The following PCDHGA8 variants were observed in gnomAD, a reference collection of about 807,000 sequenced individuals.
PCDHGA8 encodes the protein protocadherin gamma subfamily A, 8.
PCDHGA8 carries 45 observed loss-of-function variants against 59.2 expected under a neutral mutation model. That is an observed-to-expected ratio of 0.76 (90% CI 0.60 to 0.98). The LOEUF (loss-of-function observed/expected upper bound fraction) is 0.98. Ranked by LOEUF, PCDHGA8 falls within the 50% of genes least tolerant of loss-of-function variation. The probability of loss-of-function intolerance (pLI) is 0.00; values close to 1 mark genes in which losing one functional copy is unlikely to be tolerated. For synonymous variants in PCDHGA8, 531 were observed against 519.0 expected, an observed-to-expected ratio of 1.02 and a Z score of -0.32; for missense variants, 1,257 against 1,196.2, an observed-to-expected ratio of 1.05 and a Z score of -0.75.
chr5:141,426,802 C>G (rs2096961440), intron 1 of PCDHGA8: 1 of 456,696 alleles, frequency 2.2e-6, no homozygotes, highest in South Asian at 1.5e-5. Flanking sequence ...CAGCTCAGTT[C>G]TAATGAACAT....
At position 141,431,031 on chromosome 5, in the gene PCDHGA8, A is replaced by C; in HGVS notation, c.2424+35794A>C. Reference sequence around the variant, plus strand: ...AGCTTGGTCACGGCGGGCAGGATAGACCGGGAGGAGCTCTGTATGGGGGCC... The same window carrying C: ...AGCTTGGTCACGGCGGGCAGGATAGCCCGGGAGGAGCTCTGTATGGGGGCC... On this transcript the variant is annotated intron_variant, in intron 1 of 3. Coordinates refer to ENST00000398604, the MANE Select transcript of PCDHGA8 (RefSeq NM_032088.2). This position sits in a 1 kb window ranked among gnomAD's most constrained non-coding sequence, Gnocchi z 4.8. 1 of 1,614,036 alleles carries C rather than the reference A, an allele frequency of 6.2e-7. No homozygotes were observed. The highest frequency in any genetic ancestry group is 8.5e-7 in the Non-Finnish European group (1 of 1,180,000).
chr5:141,396,902 A>C (rs2093450439), intron 1 of PCDHGA8, among the ~76,000 whole-genome samples: 1 of 152,234 alleles, frequency 6.6e-6, no homozygotes, highest in African/African-American at 2.4e-5. Context: ...TATTATTGGC[A>C]CTTTGCAATT....
intron 1 of PCDHGA8, chr5:141,423,496 G>A (rs1049120602): frequency 1.2e-6 from 2 of 1,613,804 alleles, no homozygotes; most frequent in African/African-American, 1.3e-5. Flanking sequence ...CTATTCCCAC[G>A]AGGTCTCTCT....
At chr5:141,395,889 G>A (rs1375818306) in intron 1 of PCDHGA8, 3 of 151,948 alleles carry the variant, frequency 2.0e-5, no homozygotes, top group African/African-American at 4.8e-5. Flanking sequence ...GTGGTCACCT[G>A]GGCTCCATGC....
chr5:141,424,616 T>C (rs1487572877), intron 1 of PCDHGA8: 1 of 152,152 alleles, frequency 6.6e-6, no homozygotes, highest in Non-Finnish European at 1.5e-5. Flanking sequence ...TCAAATAGAG[T>C]AGTTTGTGAA....
At position 141,477,262 on chromosome 5, in the gene PCDHGA8, C is replaced by G; in HGVS notation, c.2425-17545C>G. On this transcript the variant is annotated intron_variant, in intron 1 of 3. Coordinates refer to ENST00000398604, the MANE Select transcript of PCDHGA8 (RefSeq NM_032088.2). The surrounding 1 kb of genome is among the most constrained non-coding windows in gnomAD (Gnocchi z 4.9). ...TCAGTGTGACTGACCTGGATGCTGG[C>G]GAGAACGGGCTGGTGACCTGCGAAG... The G allele has an allele frequency of 6.2e-7, 1 of 1,614,138 alleles. No homozygotes were observed.
In PCDHGA8 at chr5:141,485,849, G is replaced by A. The variant is rs777288674; in HGVS notation, c.2425-8958G>A. ...AGGGAACCCGCCGAGATCTGGCACC[G>A]CAGAGCTCCGGGTATCCGTGCTGGA... On this transcript the variant is annotated intron_variant, in intron 1 of 3. Transcript: ENST00000398604. The surrounding 1 kb of genome is among the most constrained non-coding windows in gnomAD (Gnocchi z 5.7). 3 of 1,614,130 alleles carry A rather than the reference G, an allele frequency of 1.9e-6. No individual in the cohort carries two copies. In the South Asian group the frequency reaches 3.3e-5, roughly 18 times the overall value.
chr5:141,417,682 AAAAG>A (rs2096147308), intron 1 of PCDHGA8: 2 of 1,035,494 alleles, frequency 1.9e-6, no homozygotes, highest in Non-Finnish European at 2.7e-6. Context: ...CCAACAACAG[AAAAG>A]AAAACCAGCT....
intron 1 of PCDHGA8, chr5:141,399,019 A>G (rs576771907): frequency 2.5e-6 from 4 of 1,613,932 alleles, no homozygotes; most frequent in East Asian, 2.2e-5. Context: ...CGGAGAAATT[A>G]CCACTCAAAA....
intron 1 of PCDHGA8, chr5:141,414,158 G>A (rs1167529832): frequency 6.2e-7 from 1 of 1,602,572 alleles, no homozygotes; most frequent in Non-Finnish European, 8.5e-7. Flanking sequence ...GCAGAAGATG[G>A]AGGAGCATAT....
rs2097718776 is a variant in PCDHGA8, at chr5:141,434,813, T to C, written c.2424+39576T>C. On this transcript the variant is annotated intron_variant, in intron 1 of 3. Coordinates refer to ENST00000398604, the MANE Select transcript of PCDHGA8 (RefSeq NM_032088.2). ...TTTTTTCTGAGCTTGGAGAAATATA[T>C]CCCTTAGTACACTTGGCATTTATAA... Among the ~76,000 whole-genome samples, 5 of 151,962 alleles carry C rather than the reference T, an allele frequency of 3.3e-5. No individual in the cohort carries two copies. In the South Asian group the frequency reaches 1.0e-3, roughly 32 times the overall value.
chr5:141,428,349 G>A (rs555622676), intron 1 of PCDHGA8: 93 of 583,074 alleles, frequency 1.6e-4, no homozygotes, highest in African/African-American at 1.5e-3. Flanking sequence ...TCCTCGCAGT[G>A]ATTTTGGCGG....
In PCDHGA8 at chr5:141,491,632, C is replaced by T; in HGVS notation, c.2425-3175C>T. On this transcript the variant is annotated intron_variant, in intron 1 of 3. Transcript: ENST00000398604. This position sits in a 1 kb window ranked among gnomAD's most constrained non-coding sequence, Gnocchi z 6.9. ...TCTAAGACCCCTCAGCGTTCAGCAG[C>T]CCACAGCTCTGGCGCTGGAGCCTGA... 1.2e-6 allele frequency: 2 copies of T among 1,613,886 alleles called. No individual in the cohort carries two copies. The highest frequency in any genetic ancestry group is 1.7e-6 in the Non-Finnish European group (2 of 1,179,994).
intron 1 of PCDHGA8, among the ~76,000 whole-genome samples, chr5:141,467,395 G>A (rs1197131223): frequency 6.6e-6 from 1 of 152,056 alleles, no homozygotes; most frequent in African/African-American, 2.4e-5. Flanking sequence ...TTAAGTCATA[G>A]TTAGAAAGCC....
intron 1 of PCDHGA8, among the ~76,000 whole-genome samples, chr5:141,464,404 T>G (rs1224596546): frequency 6.6e-6 from 1 of 151,532 alleles, no homozygotes; most frequent in African/African-American, 2.4e-5. Flanking sequence ...GAACCTGAGA[T>G]ATATATATAT....
chr5:141,456,746 T>C (rs548254725), intron 1 of PCDHGA8, among the ~76,000 whole-genome samples: 51 of 151,874 alleles, frequency 3.4e-4, no homozygotes, highest in African/African-American at 1.0e-3. Context: ...GGGAGCATCA[T>C]GAGGTCAGGA....
intron 1 of PCDHGA8, chr5:141,404,461 C>T: frequency 1.2e-6 from 2 of 1,613,208 alleles, no homozygotes; most frequent in Non-Finnish European, 1.7e-6. Flanking sequence ...CTCTCTCCAC[C>T]TATGTCTCTA....
chr5:141,481,257 A>T (rs2099534664), intron 1 of PCDHGA8, among the ~76,000 whole-genome samples: 1 of 152,172 alleles, frequency 6.6e-6, no homozygotes, highest in African/African-American at 2.4e-5. Context: ...GCTCTAAAAG[A>T]TCACTGTAGG....
intron 1 of PCDHGA8, among the ~76,000 whole-genome samples, chr5:141,450,976 C>T (rs2098702750): frequency 6.6e-6 from 1 of 152,032 alleles, no homozygotes; most frequent in Admixed American, 6.6e-5. Flanking sequence ...AGGCATGTGC[C>T]ACCACACCCG....
Sources: allele counts gnomAD v4.1 joint callset (sites outside exome capture counted in the v4.1 genomes callset), GRCh38; gene constraint gnomAD v4.1.1; non-coding constraint Gnocchi (gnomAD v3.1); transcripts MANE v1.5; gene names NCBI Gene and HGNC (gene_info 2026-07-23, HGNC 2026-07-21).